The following PTGER3 variants were observed in gnomAD, a reference collection of about 807,000 sequenced individuals.
PTGER3 encodes prostaglandin E receptor 3, also known as prostaglandin E2 receptor EP3 subtype.
In PTGER3, 22 loss-of-function variants were observed where a neutral mutation model predicts 34.7. That is an observed-to-expected ratio of 0.63 (90% CI 0.45 to 0.91). The LOEUF (loss-of-function observed/expected upper bound fraction) is 0.91. PTGER3 is among the 40% of genes least tolerant of loss of function. The pLI is 0.00. For synonymous variants in PTGER3, 241 were observed against 230.1 expected (o/e 1.05, Z -0.43); for missense variants, 468 against 519.4 (o/e 0.90, Z 0.96).
intron 2 of PTGER3, among the ~76,000 whole-genome samples, chr1:70,990,860 C>T (rs774561533): frequency 1.3e-5 from 2 of 152,146 alleles, no homozygotes; most frequent in Non-Finnish European, 1.5e-5. Context: ...GCAATAAAAA[C>T]ACTAGATTAT....
chr1:70,934,259 C>T (rs1360148215), intron 4 of PTGER3, among the ~76,000 whole-genome samples: 1 of 152,222 alleles, frequency 6.6e-6, no homozygotes, highest in Non-Finnish European at 1.5e-5. Flanking sequence ...CCAACCAAGA[C>T]TTTGACAAGT....
At chr1:70,909,680 G>A (rs11209715) in intron 4 of PTGER3, among the ~76,000 whole-genome samples, 61,070 of 152,020 alleles carry the variant, frequency 0.4, 12,706 homozygotes, top group Middle Eastern at 0.52. Flanking sequence ...TGTAGATACA[G>A]TGTCTCCCAA....
intron 4 of PTGER3, among the ~76,000 whole-genome samples, chr1:70,946,519 G>A (rs1650241770): frequency 6.6e-6 from 1 of 152,162 alleles, no homozygotes; most frequent in South Asian, 2.1e-4. Context: ...TCCTGCTGTG[G>A]TGAGGTTTCA....
At chr1:71,045,258 A>G (rs1367804709) in intron 1 of PTGER3, among the ~76,000 whole-genome samples, 1 of 152,224 alleles carries the variant, frequency 6.6e-6, no homozygotes, top group African/African-American at 2.4e-5. Flanking sequence ...AGGGATTTAA[A>G]AGTATACATG....
At chr1:70,992,490 A>G (rs147061205) in intron 2 of PTGER3, among the ~76,000 whole-genome samples, 79 of 152,262 alleles carry the variant, frequency 5.2e-4, no homozygotes, top group Admixed American at 2.1e-3. Flanking sequence ...TGAACCCTTC[A>G]CCCCTTACTA....
chr1:70,989,025 A>G (rs1422353630), intron 2 of PTGER3, among the ~76,000 whole-genome samples: 1 of 151,914 alleles, frequency 6.6e-6, no homozygotes, highest in Non-Finnish European at 1.5e-5. Context: ...AATTGTTTGC[A>G]TGTAATTCCC....
intron 2 of PTGER3, among the ~76,000 whole-genome samples, chr1:71,003,597 G>A (rs1020379970): frequency 1.3e-5 from 2 of 152,096 alleles, no homozygotes; most frequent in African/African-American, 4.8e-5. Context: ...GCTCCTCTCA[G>A]ATCAAATTGT....
chr1:71,003,900 G>A (rs2744914), intron 2 of PTGER3, among the ~76,000 whole-genome samples: 42,316 of 151,970 alleles, frequency 0.28, 6,471 homozygotes, highest in African/African-American at 0.4. Context: ...GATAGACTTC[G>A]GCAGGTCTGT....
chr1:70,995,324 T>C (rs1039205482), intron 2 of PTGER3, among the ~76,000 whole-genome samples: 22 of 152,190 alleles, frequency 1.4e-4, no homozygotes, highest in African/African-American at 4.8e-4. Context: ...GGGATTGGTT[T>C]ACTGAGAGCT....
chr1:70,905,809 G>A (rs184445831), intron 4 of PTGER3, among the ~76,000 whole-genome samples: 1 of 152,266 alleles, frequency 6.6e-6, no homozygotes, highest in East Asian at 1.9e-4. Context: ...TTGGGGGACT[G>A]TTGGGAAGGC....
At chr1:70,919,873 A>G (rs1647357167) in intron 4 of PTGER3, among the ~76,000 whole-genome samples, 1 of 152,170 alleles carries the variant, frequency 6.6e-6, no homozygotes, top group East Asian at 1.9e-4. Context: ...AATTACAGAG[A>G]ATTGAGGTGA....
chr1:70,893,231 G>A (rs185711381), intron 4 of PTGER3, among the ~76,000 whole-genome samples: 205 of 152,258 alleles, frequency 1.3e-3, no homozygotes, highest in African/African-American at 3.9e-3. Context: ...TAATCCATGT[G>A]GGGTAGATAC....
At chr1:70,950,530 A>G (rs1650658631), downstream of PTGER3, among the ~76,000 whole-genome samples, 1 of 152,180 alleles carries the variant, frequency 6.6e-6, no homozygotes, top group African/African-American at 2.4e-5. Flanking sequence ...GCAATCCACT[A>G]CTTTCAAACA....
chr1:71,024,873 T>TTTTATTTA (rs139278168), intron 1 of PTGER3, among the ~76,000 whole-genome samples: 1 of 144,976 alleles, frequency 6.9e-6, no homozygotes, highest in Non-Finnish European at 1.5e-5. Flanking sequence ...TACTTGATTC[T>TTTTATTTA]TTTATTTATT....
intron 4 of PTGER3, among the ~76,000 whole-genome samples, chr1:70,908,872 G>A (rs1056229874): frequency 6.6e-6 from 1 of 152,172 alleles, no homozygotes; most frequent in Middle Eastern, 3.4e-3. Context: ...TACTCAGAAA[G>A]CCCTATGCAA....
intron 2 of PTGER3, among the ~76,000 whole-genome samples, chr1:70,981,341 TTCTTTCTTTCTTTCTTTC>T (rs1654286851): frequency 1.8e-5 from 1 of 55,420 alleles, no homozygotes; most frequent in Non-Finnish European, 3.7e-5. Flanking sequence ...CTTTCTTTCT[TTCTTTCTTTCTTTCTTTC>T]TTTCTTTCTT....
intron 4 of PTGER3, among the ~76,000 whole-genome samples, chr1:70,883,016 G>A (rs1253658918): frequency 6.6e-6 from 1 of 152,058 alleles, no homozygotes; most frequent in African/African-American, 2.4e-5. Flanking sequence ...CATTATTGAG[G>A]GCCTTACATG....
intron 2 of PTGER3, among the ~76,000 whole-genome samples, chr1:70,995,765 T>C (rs547194136): frequency 3.3e-5 from 5 of 152,158 alleles, no homozygotes; most frequent in Admixed American, 6.5e-5. Context: ...AATACTTTTA[T>C]AAGTGTTCAC....
intron 4 of PTGER3, among the ~76,000 whole-genome samples, chr1:70,946,483 G>A (rs1650238836): frequency 1.3e-5 from 2 of 152,136 alleles, no homozygotes; most frequent in African/African-American, 4.8e-5. Context: ...TTAAACTATG[G>A]CAAGTAATAA....
Sources: gnomAD v4.1 joint callset for allele counts (sites outside exome capture counted in the v4.1 genomes callset) on GRCh38, gnomAD v4.1.1 for gene constraint, MANE v1.5 for transcripts, NCBI Gene and HGNC (gene_info 2026-07-23, HGNC 2026-07-21) for gene names.